Variants in TRMT1 observed in about 807,000 individuals in gnomAD.
TRMT1 encodes the protein tRNA methyltransferase 1.
A neutral mutation model predicts 75.4 loss-of-function variants in TRMT1; 63 were observed. The ratio of observed to expected loss-of-function variants is 0.84; its 90% CI spans 0.68 to 1.03. TRMT1 has a LOEUF of 1.03. TRMT1 is among the 50% of genes least tolerant of loss of function. The pLI is 0.00. For missense variants in TRMT1, 870 were observed against 905.3 expected, an observed-to-expected ratio of 0.96 and a Z score of 0.50; for synonymous variants, 382 against 358.1, an observed-to-expected ratio of 1.07 and a Z score of -0.75.
intron 7 of TRMT1, among the ~76,000 whole-genome samples, chr19:13,110,893 T>C (rs1266632056): frequency 1.3e-5 from 2 of 152,082 alleles, no homozygotes; most frequent in Admixed American, 6.6e-5. Flanking sequence ...AAGGTTGCAG[T>C]TAGCTGAGAT....
chr19:13,110,047 AC>A (rs1193759317), intron 8 of TRMT1, 46 bp from the exon 9 acceptor site: 2 of 1,612,002 alleles, frequency 1.2e-6, no homozygotes, highest in African/African-American at 2.7e-5. Flanking sequence ...TGACCACGAC[AC>A]CCCAACTCCT....
chr19:13,109,354 G>A, intron 12 of TRMT1, 27 bp downstream of exon 12: 1 of 1,611,512 alleles, frequency 6.2e-7, no homozygotes, highest in Non-Finnish European at 8.5e-7. Context: ...TCTGGGACAG[G>A]CTCCTCCCGA....
At chr19:13,107,985 CTTTTTTTTTT>C (rs71168652) in intron 12 of TRMT1, 126 bp from the exon 13 acceptor site, 104 of 332,374 alleles carry the variant, frequency 3.1e-4, no homozygotes, top group African/African-American at 1.4e-3. Context: ...CTTTTCTTTT[CTTTTTTTTTT>C]TTTTTTTTTT....
intron 5 of TRMT1, among the ~76,000 whole-genome samples, chr19:13,114,638 G>A (rs1258263696): frequency 6.6e-6 from 1 of 151,964 alleles, no homozygotes; most frequent in African/African-American, 2.4e-5. Flanking sequence ...CTCTAGCCTG[G>A]GCAACAGAGC....
At position 13,104,977 on chromosome 19, in the gene TRMT1, G is replaced by A. The variant is rs1238151264; in HGVS notation, c.1938C>T (p.Thr646=). The change falls in exon 17 of 17, where the codon ACC becomes ACT. Residue 646 remains threonine, a synonymous_variant. Transcript: ENST00000357720. ...APDCPETSNQ[T]PPGPGAAAGP... Reference sequence around the variant, plus strand: ...CAGCGGCAGCCCCAGGTCCAGGGGGGGTCTGGTTGGAGGTCTCTGGACAGT... The same window carrying A: ...CAGCGGCAGCCCCAGGTCCAGGGGGAGTCTGGTTGGAGGTCTCTGGACAGT... The A allele has an allele frequency of 1.2e-6, 2 of 1,613,724 alleles. No homozygotes were observed. The highest frequency in any genetic ancestry group is 2.2e-5 in the East Asian group (1 of 44,896).
chr19:13,106,894 C>G (rs928422080), intron 14 of TRMT1, among the ~76,000 whole-genome samples: 3 of 151,180 alleles, frequency 2.0e-5, no homozygotes, highest in African/African-American at 7.3e-5. Context: ...GCTATCTCGG[C>G]TCACTGCAAG....
chr19:13,109,145 T>C (rs1309042607), intron 12 of TRMT1, among the ~76,000 whole-genome samples: 1 of 151,544 alleles, frequency 6.6e-6, no homozygotes, highest in Non-Finnish European at 1.5e-5. Context: ...TATGTATGTG[T>C]GTGTACATAT....
intron 8 of TRMT1, 29 bp downstream of exon 8, chr19:13,110,129 C>A (rs755102030): frequency 6.2e-7 from 1 of 1,610,580 alleles, no homozygotes; most frequent in East Asian, 2.2e-5. Flanking sequence ...CTCTCTCAAT[C>A]CACCACCGCT....
rs2019355330 is a variant in TRMT1, at chr19:13,116,305, G to A, written c.95C>T (p.Pro32Leu). Residue 32 changes from proline (P) to leucine (L), a missense_variant, in exon 2 of 17, where the codon CCG (proline) becomes CTG (leucine). Pro to Leu is a moderately conservative substitution (Grantham distance 98, BLOSUM62 -3). Transcript: ENST00000357720. ...GCCGTTCTCCATCGCTGCTGTATTC[G>A]GCAGCCCTGGAGACTGCCACTCGAA... ...RFFEWQSPGL[P>L]NTAAMENGTG... The A allele has an allele frequency of 6.2e-7, 1 of 1,614,012 alleles. No individual in the cohort carries two copies.
At chr19:13,106,656 T>G (rs1383500876) in intron 14 of TRMT1, among the ~76,000 whole-genome samples, 1 of 149,560 alleles carries the variant, frequency 6.7e-6, no homozygotes, top group Non-Finnish European at 1.5e-5. Flanking sequence ...TTTTTTTTTT[T>G]TTGTATTTTT....
chr19:13,111,599 T>C (rs1003720652), intron 7 of TRMT1, among the ~76,000 whole-genome samples: 3 of 148,462 alleles, frequency 2.0e-5, no homozygotes, highest in African/African-American at 7.5e-5. Flanking sequence ...GGTTTCACCA[T>C]GTTGGCCAGG....
At position 13,112,919 on chromosome 19, in the gene TRMT1, G is replaced by A. The variant is rs753496987; in HGVS notation, c.734C>T (p.Ala245Val). 2 of 1,613,604 alleles carry A rather than the reference G, an allele frequency of 1.2e-6. No homozygotes were observed. The highest frequency in any genetic ancestry group is 2.2e-5 in the South Asian group (2 of 90,952). ...ACCTCCTTCACTCACAGCCTGCACAGCTGCATCCAGGAAGGTGGCTGGGCT... is the reference window on the plus strand; with the variant it reads ...ACCTCCTTCACTCACAGCCTGCACAACTGCATCCAGGAAGGTGGCTGGGCT... Reference protein sequence around the residue: ...YGSPATFLDAAVQAVSEGGLL... With the variant: ...YGSPATFLDAVVQAVSEGGLL... The change falls in exon 6 of 17, where the codon GCT becomes GTT. Residue 245 changes from alanine (A) to valine (V), a missense_variant. By Grantham distance (64) the Ala-to-Val change is moderately conservative. Coordinates refer to ENST00000357720, the MANE Select transcript of TRMT1 (RefSeq NM_001136035.4).
Position 13,115,032 on chromosome 19 carries a change from G to GT in TRMT1, c.641+246dup, listed in dbSNP as rs2019283899. Among the ~76,000 whole-genome samples, 7 of 152,314 alleles carry GT rather than the reference G, an allele frequency of 4.6e-5. No individual in the cohort carries two copies. The South Asian group carries it at 1.4e-3, about 32-fold the overall frequency. ...GCTCATTTGAATGAATAAAAGGAGT[G>GT]TAAGAAGTTAAAACAGAGACCAGGA... is the stretch of plus-strand genomic sequence containing the variant. On this transcript the variant is annotated intron_variant, in intron 5 of 16. Coordinates refer to ENST00000357720, the MANE Select transcript of TRMT1 (RefSeq NM_001136035.4).
Position 13,109,768 on chromosome 19 carries a change from C to G in TRMT1, c.1176+1G>C. 6.2e-7 allele frequency: 1 copy of G among 1,614,118 alleles called. No homozygotes were observed. The highest frequency in any genetic ancestry group is 8.5e-7 in the Non-Finnish European group (1 of 1,180,018). ...CTTTGCCTCCCCTGGCCTAGCCCTA[C>G]CTGGTGTCGTTGCCCACAGTGTTCA... On this transcript the variant is annotated splice_donor_variant, in intron 10 of 16. Transcript: ENST00000357720. LOFTEE classifies it high-confidence loss of function.
intron 15 of TRMT1, 45 bp downstream of exon 15, chr19:13,105,442 C>T (rs774154413): frequency 2.5e-6 from 4 of 1,613,792 alleles, no homozygotes; most frequent in African/African-American, 1.3e-5. Context: ...CCCTTTACCC[C>T]TTCTTTCCCT....
intron 2 of TRMT1, 21 bp downstream of exon 2, chr19:13,116,125 T>A: frequency 6.2e-7 from 1 of 1,614,054 alleles, no homozygotes; most frequent in Non-Finnish European, 8.5e-7. Context: ...GATGCCAGGC[T>A]AACGTCTGAC....
intron 5 of TRMT1, among the ~76,000 whole-genome samples, chr19:13,114,405 G>C (rs1043156295): frequency 3.9e-5 from 6 of 152,184 alleles, no homozygotes; most frequent in African/African-American, 1.4e-4. Flanking sequence ...AGTGGCTCAT[G>C]CCTATAATCC....
In TRMT1 at chr19:13,105,396, C is replaced by T. The variant is rs1434699921; in HGVS notation, c.1704G>A (p.Gly568=). Residue 568 remains glycine, a splice_region_variant and synonymous_variant, in exon 16 of 17, where the codon GGG becomes GGA. Transcript: ENST00000357720. ...NWGPRPRARP[G]GKAADEAMEE... is the part of the protein sequence containing the mutation. ...CCATAGCTTCGTCGGCCGCCTTGCC[C>T]CTGTGCGAGGGGAGGAGTAGGTGGG... is the stretch of plus-strand genomic sequence containing the variant. 6.2e-7 allele frequency: 1 copy of T among 1,613,690 alleles called. No individual in the cohort carries two copies. Among genetic ancestry groups the T allele is most frequent in the South Asian group, 1.1e-5 (1 of 91,074 alleles).
chr19:13,115,141 T>C, intron 5 of TRMT1, 138 bp downstream of exon 5: 3 of 911,220 alleles, frequency 3.3e-6, no homozygotes, highest in Non-Finnish European at 4.8e-6. Context: ...ACTAATTTTC[T>C]CAGTTGACAG....
Sources: gnomAD v4.1 joint callset for allele counts (sites outside exome capture counted in the v4.1 genomes callset) on GRCh38, gnomAD v4.1.1 for gene constraint, MANE v1.5 for transcripts, NCBI Gene and HGNC (gene_info 2026-07-23, HGNC 2026-07-21) for gene names.